LMBR1: variants seen among roughly 807,000 people sequenced by gnomAD.
LMBR1 encodes limb region 1 protein homolog.
LMBR1 carries 52 observed loss-of-function variants against 73.9 expected under a neutral mutation model. The ratio of observed to expected loss-of-function variants is 0.70; its 90% CI spans 0.56 to 0.89. The LOEUF (loss-of-function observed/expected upper bound fraction) is 0.89. Ranked by LOEUF, LMBR1 falls within the 40% of genes least tolerant of loss-of-function variation. The pLI is 0.00. For missense variants in LMBR1, 539 were observed against 579.8 expected, an observed-to-expected ratio of 0.93 and a Z score of 0.72; for synonymous variants, 215 against 209.4, an observed-to-expected ratio of 1.03 and a Z score of -0.23.
At chr7:156,883,779 T>C (rs1801464260) in intron 1 of LMBR1, among the ~76,000 whole-genome samples, 1 of 152,166 alleles carries the variant, frequency 6.6e-6, no homozygotes, top group South Asian at 2.1e-4. Context: ...ACTCCAACTC[T>C]GCCTCTGTCA....
At chr7:156,863,141 T>C (rs574829251) in intron 1 of LMBR1, among the ~76,000 whole-genome samples, 1 of 152,230 alleles carries the variant, frequency 6.6e-6, no homozygotes, top group Non-Finnish European at 1.5e-5. Flanking sequence ...AATAGATATA[T>C]ATATATAAAG....
At chr7:156,714,216 G>C (rs977130114) in intron 15 of LMBR1, among the ~76,000 whole-genome samples, 2 of 152,210 alleles carry the variant, frequency 1.3e-5, no homozygotes, top group African/African-American at 4.8e-5. Flanking sequence ...TGGAGGAAAA[G>C]AAAAGCCATT....
chr7:156,737,105 G>A (rs765425130), intron 9 of LMBR1, among the ~76,000 whole-genome samples: 9 of 151,920 alleles, frequency 5.9e-5, no homozygotes, highest in East Asian at 1.9e-4. Context: ...CCCTTGCTTC[G>A]ATGGTGTGTA....
chr7:156,699,474 C>A (rs1253133430), intron 15 of LMBR1, among the ~76,000 whole-genome samples: 1 of 151,556 alleles, frequency 6.6e-6, no homozygotes, highest in Non-Finnish European at 1.5e-5. Context: ...CTAGGCAATA[C>A]CATTCAGGAC....
intron 4 of LMBR1, among the ~76,000 whole-genome samples, chr7:156,805,760 T>C (rs1187863604): frequency 6.6e-6 from 1 of 152,210 alleles, no homozygotes; most frequent in Non-Finnish European, 1.5e-5. Context: ...TGAATGCTTC[T>C]GTCCCCACCC....
chr7:156,678,197 GTGCAGTACTTTAC>G lies in LMBR1; in HGVS notation c.*5868_*5880del, dbSNP rs1422370768. The G allele has an allele frequency of 6.6e-6, 1 of 152,258 alleles. No individual in the cohort carries two copies. 9.4% of individuals were successfully genotyped at this position (152,258 alleles called of 1,614,324 possible). ...GTCCATCTCTATTCTTTGCAACCAA[GTGCAGTACTTTAC>G]TGACACAGGAACTAGTGTTAGTTGC... is the stretch of plus-strand genomic sequence containing the variant. On this transcript the variant is annotated 3_prime_UTR_variant, in exon 17 of 17. Coordinates refer to ENST00000353442, the MANE Select transcript of LMBR1 (RefSeq NM_022458.4).
chr7:156,671,605 G>A (rs1270870432), intron 4 of LMBR1, among the ~76,000 whole-genome samples: 1 of 152,220 alleles, frequency 6.6e-6, no homozygotes, highest in African/African-American at 2.4e-5. Context: ...TTCTAGATTC[G>A]GGGGTGCCTG....
chr7:156,751,323 T>G (rs187413823), intron 9 of LMBR1, among the ~76,000 whole-genome samples: 1 of 151,786 alleles, frequency 6.6e-6, no homozygotes, highest in African/African-American at 2.4e-5. Context: ...CACGAAAGGG[T>G]ATTTAGGTAA....
At chr7:156,700,137 C>A (rs1809317412) in intron 15 of LMBR1, among the ~76,000 whole-genome samples, 1 of 152,120 alleles carries the variant, frequency 6.6e-6, no homozygotes. Flanking sequence ...AGACTTGGAA[C>A]CAACCCAAAT....
chr7:156,807,897 A>C (rs1037721559), intron 4 of LMBR1, among the ~76,000 whole-genome samples: 9 of 152,162 alleles, frequency 5.9e-5, no homozygotes, highest in African/African-American at 2.2e-4. Flanking sequence ...GTATGTTATC[A>C]ATTACCAAAT....
intron 16 of LMBR1, 105 bp downstream of exon 16, chr7:156,687,925 G>A: frequency 3.6e-6 from 4 of 1,112,464 alleles, no homozygotes; most frequent in South Asian, 3.6e-5. Flanking sequence ...GACCTCTAAG[G>A]TTTTACAAAT....
At chr7:156,700,157 C>T (rs1192224181) in intron 15 of LMBR1, among the ~76,000 whole-genome samples, 3 of 152,014 alleles carry the variant, frequency 2.0e-5, no homozygotes, top group East Asian at 1.9e-4. Flanking sequence ...TGTCCAGCAA[C>T]GATAGACTGG....
intron 1 of LMBR1, among the ~76,000 whole-genome samples, chr7:156,846,646 T>C (rs894339264): frequency 6.6e-6 from 1 of 152,148 alleles, no homozygotes; most frequent in Admixed American, 6.5e-5. Flanking sequence ...GCGATTACAA[T>C]TACAATCCCA....
At chr7:156,821,289 C>G (rs1460973933) in intron 4 of LMBR1, among the ~76,000 whole-genome samples, 1 of 152,230 alleles carries the variant, frequency 6.6e-6, no homozygotes, top group African/African-American at 2.4e-5. Context: ...CAGCCTGCAC[C>G]TACAGTCTCC....
At chr7:156,742,767 C>A (rs1819131463) in intron 9 of LMBR1, among the ~76,000 whole-genome samples, 1 of 152,106 alleles carries the variant, frequency 6.6e-6, no homozygotes, top group African/African-American at 2.4e-5. Context: ...TGTTAAGGGG[C>A]CAGTAATACC....
chr7:156,833,627 A>G, intron 3 of LMBR1, 126 bp downstream of exon 3: 1 of 663,768 alleles, frequency 1.5e-6, no homozygotes, highest in African/African-American at 1.9e-5. Context: ...TAAAATTAAT[A>G]TGATAAAGCT....
intron 16 of LMBR1, among the ~76,000 whole-genome samples, chr7:156,687,300 C>T (rs1806185814): frequency 6.6e-6 from 1 of 152,170 alleles, no homozygotes; most frequent in Non-Finnish European, 1.5e-5. Flanking sequence ...GAAGTCACTG[C>T]CTTTCCCTTC....
At chr7:156,875,830 C>T (rs920333516) in intron 1 of LMBR1, among the ~76,000 whole-genome samples, 1 of 150,738 alleles carries the variant, frequency 6.6e-6, no homozygotes, top group Non-Finnish European at 1.5e-5. Context: ...AATCTTGAAA[C>T]AAATCCTGGA....
intron 3 of LMBR1, among the ~76,000 whole-genome samples, chr7:156,827,508 A>G (rs1216284786): frequency 6.6e-6 from 1 of 152,204 alleles, no homozygotes; most frequent in African/African-American, 2.4e-5. Context: ...AAGAGGGATT[A>G]TAAGGTGCTT....
Sources: gnomAD v4.1 joint callset for allele counts (sites outside exome capture counted in the v4.1 genomes callset) on GRCh38, gnomAD v4.1.1 for gene constraint, MANE v1.5 for transcripts, NCBI Gene and HGNC (gene_info 2026-07-23, HGNC 2026-07-21) for gene names.